Variants in PIK3CA observed in about 807,000 individuals in gnomAD.
The protein encoded by PIK3CA is phosphatidylinositol-4,5-bisphosphate 3-kinase catalytic subunit alpha, also known as phosphatidylinositol 4,5-bisphosphate 3-kinase catalytic subunit alpha isoform.
Under a neutral mutation model 138.2 loss-of-function variants are expected in PIK3CA, and 27 were observed. The observed-to-expected ratio is 0.20, with a 90% CI of 0.14 to 0.27. The LOEUF is 0.27. Ranked by LOEUF, PIK3CA falls within the 10% of genes least tolerant of loss-of-function variation. The probability of loss-of-function intolerance (pLI) is 1.00; values close to 1 mark genes in which losing one functional copy is unlikely to be tolerated. For missense variants in PIK3CA, 544 were observed against 1,277.4 expected (o/e 0.43, Z 8.75); for synonymous variants, 358 against 413.2 (o/e 0.87, Z 1.62).
At chr3:179,204,365 G>A (rs531246526) in intron 5 of PIK3CA, 138 bp from the exon 6 acceptor site, 13 of 487,278 alleles carry the variant, frequency 2.7e-5, no homozygotes, top group South Asian at 9.7e-5. Flanking sequence ...CAGTATTAAC[G>A]TGTTACATAT....
intron 14 of PIK3CA, among the ~76,000 whole-genome samples, chr3:179,222,801 G>A (rs894405481): frequency 2.6e-5 from 4 of 152,186 alleles, no homozygotes; most frequent in African/African-American, 9.7e-5. Flanking sequence ...TGTAGGAAGA[G>A]ATAAAAGTTC....
In PIK3CA at chr3:179,161,872, A is replaced by G. The variant is rs534852844; in HGVS notation, c.-77+13269A>G. Among the ~76,000 whole-genome samples, 6 of 152,324 alleles carry G rather than the reference A, an allele frequency of 3.9e-5. No individual in the cohort carries two copies. The South Asian group carries it at 1.2e-3, about 32-fold the overall frequency. On this transcript the variant is annotated intron_variant, in intron 1 of 20. Transcript: ENST00000263967. Reference sequence around the variant, plus strand: ...GCGCCTTCAGAATTTGGGCTGAGAAAATATCACTATATGTATATTTATATT... The same window carrying G: ...GCGCCTTCAGAATTTGGGCTGAGAAGATATCACTATATGTATATTTATATT...
chr3:179,235,921 A>G lies in PIK3CA; in HGVS notation c.*1557A>G, dbSNP rs1248697734. ...TCTAGAATCTGATATTTTACTCTGT[A>G]TTTGAAATGAATGATTAATGTCCTA... On this transcript the variant is annotated 3_prime_UTR_variant, in exon 21 of 21. Coordinates refer to ENST00000263967, the MANE Select transcript of PIK3CA (RefSeq NM_006218.4). The G allele has an allele frequency of 1.9e-5, 4 of 208,742 alleles. No homozygotes were observed. Among genetic ancestry groups the G allele is most frequent in the Non-Finnish European group, 3.9e-5 (4 of 102,542 alleles). The allele number at this position is 208,742 out of a possible 1,614,324, so 12.9% of individuals were successfully genotyped here. A position where few individuals can be genotyped will look rare whatever the true frequency, so the allele number is the denominator to read the frequency against.
intron 9 of PIK3CA, among the ~76,000 whole-genome samples, chr3:179,216,275 A>G (rs1724834254): frequency 6.6e-6 from 1 of 152,222 alleles, no homozygotes; most frequent in Admixed American, 6.5e-5. Context: ...GGAAATTTGT[A>G]TTCACATTCA....
chr3:179,234,299 C>T lies in PIK3CA; in HGVS notation c.3142C>T (p.His1048Tyr), dbSNP rs2108429912. ...CATGAAACAAATGAATGATGCACAT[C>T]ATGGTGGCTGGACAACAAAAATGGA... ...YFMKQMNDAH[H>Y]GGWTTKMDWI... is the part of the protein sequence containing the mutation. Residue 1048 changes from histidine (H) to tyrosine (Y), a missense_variant, in exon 21 of 21, where the codon CAT becomes TAT. Physicochemically the swap from His to Tyr is moderately conservative, Grantham distance 83. Coordinates refer to ENST00000263967, the MANE Select transcript of PIK3CA (RefSeq NM_006218.4). The surrounding 1 kb of genome is among the most constrained non-coding windows in gnomAD (Gnocchi z 5.1). 6.2e-7 allele frequency: 1 copy of T among 1,613,430 alleles called. No homozygotes were observed. Among genetic ancestry groups the T allele is most frequent in the Non-Finnish European group, 8.5e-7 (1 of 1,179,566 alleles).
intron 1 of PIK3CA, among the ~76,000 whole-genome samples, chr3:179,190,316 A>T (rs200892459): frequency 1.6e-5 from 1 of 63,228 alleles, no homozygotes; most frequent in East Asian, 5.4e-4. Flanking sequence ...CACCCCCCCC[A>T]CCACCCCCAG....
At position 179,235,706 on chromosome 3, in the gene PIK3CA, C is replaced by CT. The variant is rs1407421529; in HGVS notation, c.*1347dup. 4.9e-6 allele frequency: 1 copy of CT among 205,936 alleles called. No individual in the cohort carries two copies. The highest frequency in any genetic ancestry group is 9.9e-6 in the Non-Finnish European group (1 of 100,814). 12.8% of individuals were successfully genotyped at this position (205,936 alleles called of 1,614,324 possible). ...AATATGGGGGAATAGAAACCATGAACTTTTTACCTTTTTAAACTATTTATC... is the reference window on the plus strand; with the variant it reads ...AATATGGGGGAATAGAAACCATGAACTTTTTTACCTTTTTAAACTATTTATC... On this transcript the variant is annotated 3_prime_UTR_variant, in exon 21 of 21. Transcript: ENST00000263967.
In PIK3CA at chr3:179,159,009, A is replaced by G. The variant is rs371886519; in HGVS notation, c.-77+10406A>G. Reference sequence around the variant, plus strand: ...TTACTTTTCTAAAGTTGATGATTTCATGGTCTGTATTTCTCATATACCAGG... The same window carrying G: ...TTACTTTTCTAAAGTTGATGATTTCGTGGTCTGTATTTCTCATATACCAGG... On this transcript the variant is annotated intron_variant, in intron 1 of 20. Transcript: ENST00000263967. Among the ~76,000 whole-genome samples, 41 of 152,292 alleles carry G rather than the reference A, an allele frequency of 2.7e-4. No homozygotes were observed. In the East Asian group the frequency reaches 7.9e-3, roughly 29 times the overall value.
chr3:179,182,725 A>G (rs145574501), intron 1 of PIK3CA, among the ~76,000 whole-genome samples: 16 of 152,288 alleles, frequency 1.1e-4, no homozygotes, highest in Non-Finnish European at 2.2e-4. Context: ...GCTTTTACAC[A>G]GTTATACCCA....
At chr3:179,215,130 G>A (rs2108405528) in intron 9 of PIK3CA, among the ~76,000 whole-genome samples, 3 of 152,250 alleles carry the variant, frequency 2.0e-5, no homozygotes, top group Middle Eastern at 6.8e-3. Context: ...AGGCAGCCTG[G>A]TATATTGCAC....
intron 1 of PIK3CA, among the ~76,000 whole-genome samples, chr3:179,181,852 T>G (rs1427850883): frequency 6.6e-6 from 1 of 152,194 alleles, no homozygotes; most frequent in African/African-American, 2.4e-5. Context: ...AATAGAGGTT[T>G]GAATGTCTTC....
At chr3:179,168,669 T>C (rs555519935) in intron 1 of PIK3CA, among the ~76,000 whole-genome samples, 3 of 152,298 alleles carry the variant, frequency 2.0e-5, no homozygotes, top group South Asian at 2.1e-4. Flanking sequence ...GTCTGTCTTT[T>C]TGCTCTATGT....
chr3:179,185,885 C>T (rs530873027), intron 1 of PIK3CA, among the ~76,000 whole-genome samples: 156 of 152,282 alleles, frequency 1.0e-3, no homozygotes, highest in African/African-American at 3.5e-3. Flanking sequence ...AGAAGGTCCT[C>T]GAACTCAGTC....
intron 14 of PIK3CA, among the ~76,000 whole-genome samples, chr3:179,222,150 T>A (rs1377617126): frequency 6.6e-6 from 1 of 151,600 alleles, no homozygotes; most frequent in Middle Eastern, 3.2e-3. Context: ...AGAAAAATCG[T>A]ATATTAGTGA....
intron 18 of PIK3CA, 67 bp downstream of exon 18, chr3:179,229,509 GT>G: frequency 8.3e-7 from 1 of 1,199,210 alleles, no homozygotes; most frequent in Admixed American, 2.4e-5. Context: ...GTCGGTGTTT[GT>G]GTATTCCTCT....
intron 1 of PIK3CA, among the ~76,000 whole-genome samples, chr3:179,191,539 G>A (rs1724135393): frequency 1.3e-5 from 2 of 152,176 alleles, no homozygotes; most frequent in South Asian, 4.1e-4. Flanking sequence ...TTGTGCTGAG[G>A]TATGCTTCAA....
At chr3:179,207,549 CTT>C (rs199712520) in intron 6 of PIK3CA, among the ~76,000 whole-genome samples, 45 of 141,276 alleles carry the variant, frequency 3.2e-4, no homozygotes, top group Non-Finnish European at 3.6e-4. Flanking sequence ...TTTTTCTTTT[CTT>C]TTTTTTTTTT....
chr3:179,151,041 T>G (rs1431021280), intron 1 of PIK3CA, among the ~76,000 whole-genome samples: 1 of 152,244 alleles, frequency 6.6e-6, no homozygotes, highest in Non-Finnish European at 1.5e-5. Flanking sequence ...ATTCTTTAAA[T>G]GAAGTGTTTC....
intron 14 of PIK3CA, among the ~76,000 whole-genome samples, chr3:179,222,911 T>C (rs1333259500): frequency 6.6e-6 from 1 of 152,248 alleles, no homozygotes; most frequent in Non-Finnish European, 1.5e-5. Flanking sequence ...ACCATCTGTG[T>C]AGGCATTTCT....
Sources: gnomAD v4.1 joint callset for allele counts (sites outside exome capture counted in the v4.1 genomes callset) on GRCh38, gnomAD v4.1.1 for gene constraint, Gnocchi (gnomAD v3.1) non-coding constraint, MANE v1.5 for transcripts, NCBI Gene and HGNC (gene_info 2026-07-23, HGNC 2026-07-21) for gene names.